The following SBNO2 variants were observed in gnomAD, a reference collection of about 807,000 sequenced individuals.
SBNO2 encodes the protein strawberry notch homolog 2, also known as protein strawberry notch homolog 2.
SBNO2 carries 89 observed loss-of-function variants against 146.3 expected under a neutral mutation model. The ratio of observed to expected loss-of-function variants is 0.61; its 90% confidence interval spans 0.51 to 0.73. The LOEUF (loss-of-function observed/expected upper bound fraction) is 0.73, where lower values mean the gene tolerates loss of function less well. Ranked by LOEUF, SBNO2 falls within the 30% of genes least tolerant of loss-of-function variation. The probability of loss-of-function intolerance (pLI) is 0.00; values close to 1 mark genes in which losing one functional copy is unlikely to be tolerated. For synonymous variants in SBNO2, 1,147 were observed against 892.6 expected (o/e 1.29, Z -5.08); for missense variants, 2,092 against 2,003.7 (o/e 1.04, Z -0.84).
intron 18 of SBNO2, 27 bp from the exon 19 acceptor site, chr19:1,113,731 A>C: frequency 3.4e-6 from 5 of 1,471,280 alleles, no homozygotes; most frequent in Non-Finnish European, 3.6e-6. Context: ...GGGTCAGGGC[A>C]GGACATGTTG....
At chr19:1,152,924 A>C (rs1282110200) in intron 2 of SBNO2, among the ~76,000 whole-genome samples, 3 of 152,134 alleles carry the variant, frequency 2.0e-5, no homozygotes, top group Non-Finnish European at 4.4e-5. Flanking sequence ...AGGTCAAGGC[A>C]GGCGGGTCAA....
rs1035615791 is a variant in SBNO2, at chr19:1,126,302, C to T, written c.441+1302G>A. Among the ~76,000 whole-genome samples, 8 of 151,876 alleles carry T rather than the reference C, an allele frequency of 5.3e-5. No individual in the cohort carries two copies. The highest frequency in any genetic ancestry group is 1.9e-4 in the African/African-American group (8 of 41,336). Reference sequence around the variant, plus strand: ...TTTAAGTTAACAAAACACAAAAAAACAGACGCCACGCAGGTTCCTGGAAGG... The same window carrying T: ...TTTAAGTTAACAAAACACAAAAAAATAGACGCCACGCAGGTTCCTGGAAGG... On this transcript the variant is annotated intron_variant, in intron 5 of 31. Coordinates refer to ENST00000361757, the MANE Select transcript of SBNO2 (RefSeq NM_014963.3). This position sits in a 1 kb window ranked among gnomAD's most constrained non-coding sequence, Gnocchi z 4.4.
chr19:1,121,905 C>T (rs1472396444), intron 11 of SBNO2, among the ~76,000 whole-genome samples: 1 of 152,170 alleles, frequency 6.6e-6, no homozygotes, highest in Admixed American at 6.5e-5. Flanking sequence ...CCAGAAAAGT[C>T]TTCTATCCGG....
chr19:1,154,160 G>T, intron 2 of SBNO2, 24 bp downstream of exon 2: 1 of 1,135,832 alleles, frequency 8.8e-7, no homozygotes, highest in Non-Finnish European at 1.1e-6. Context: ...CGTCGGGTGG[G>T]CCGGGGCCGG....
At position 1,110,611 on chromosome 19, in the gene SBNO2, G is replaced by C; in HGVS notation, c.3028+134C>G. On this transcript the variant is annotated intron_variant, in intron 26 of 31. Coordinates refer to ENST00000361757, the MANE Select transcript of SBNO2 (RefSeq NM_014963.3). This position sits in a 1 kb window ranked among gnomAD's most constrained non-coding sequence, Gnocchi z 4.9. ...GCCCCTCGCCCACCCGGGATGCACG[G>C]TGTTCCCACGAGCCCCTCGCCCACC... 6 of 1,084,072 alleles carry C rather than the reference G, an allele frequency of 5.5e-6. No individual in the cohort carries two copies. Among genetic ancestry groups the C allele is most frequent in the Non-Finnish European group, 7.5e-6 (6 of 798,238 alleles). 67.2% of individuals were successfully genotyped at this position (1,084,072 alleles called of 1,614,324 possible). A position where few individuals can be genotyped will look rare whatever the true frequency, so the allele number is the denominator to read the frequency against.
At position 1,110,647 on chromosome 19, in the gene SBNO2, G is replaced by C. The variant is rs1162008877; in HGVS notation, c.3028+98C>G. The C allele has an allele frequency of 7.2e-7, 1 of 1,392,804 alleles. No individual in the cohort carries two copies. The highest frequency in any genetic ancestry group is 9.6e-7 in the Non-Finnish European group (1 of 1,046,972). 86.3% of individuals were successfully genotyped at this position (1,392,804 alleles called of 1,614,324 possible). A position where few individuals can be genotyped will look rare whatever the true frequency, so the allele number is the denominator to read the frequency against. On this transcript the variant is annotated intron_variant, in intron 26 of 31. Coordinates refer to ENST00000361757, the MANE Select transcript of SBNO2 (RefSeq NM_014963.3). The surrounding 1 kb of genome is among the most constrained non-coding windows in gnomAD (Gnocchi z 4.9). The stretch of plus-strand genomic sequence containing the variant: ...AGCCCCTCGCCCACCCGGGATGCCC[G>C]GTGTTCCCACGAGCCCCGAGCCCAC...
intron 2 of SBNO2, among the ~76,000 whole-genome samples, chr19:1,151,561 G>T (rs1462964754): frequency 6.6e-6 from 1 of 152,244 alleles, no homozygotes; most frequent in Non-Finnish European, 1.5e-5. Flanking sequence ...CTGGCAGCCA[G>T]AGGGTGTGGC....
intron 1 of SBNO2, among the ~76,000 whole-genome samples, chr19:1,164,503 CAGGAGGAGG>C (rs1173808617): frequency 7.7e-5 from 1 of 12,944 alleles, no homozygotes; most frequent in Non-Finnish European, 1.6e-4. Flanking sequence ...GCAGTGGAGA[CAGGAGGAGG>C]AGGAGGAGGA....
rs1276204765 is a variant in SBNO2 at position 1,108,749 on chromosome 19, G to C, written c.3616+30C>G. 4 of 1,592,876 alleles carry C rather than the reference G, an allele frequency of 2.5e-6. No individual in the cohort carries two copies. The East Asian group carries it at 9.0e-5, about 36-fold the overall frequency. ...GTCAGGGCCGGCGCTGGGGGCTCGG[G>C]CCTTCCCGGGGCGCCCGCCGCCCAC... On this transcript the variant is annotated intron_variant, in intron 31 of 31. Coordinates refer to ENST00000361757, the MANE Select transcript of SBNO2 (RefSeq NM_014963.3).
At chr19:1,154,471 TC>T (rs1193863875) in intron 1 of SBNO2, 69 bp from the exon 2 acceptor site, 3 of 384,406 alleles carry the variant, frequency 7.8e-6, no homozygotes, top group Non-Finnish European at 1.4e-5. Flanking sequence ...CGGCCGCCTC[TC>T]CCTCGGGCAT....
chr19:1,140,076 G>A lies in SBNO2; in HGVS notation c.279+7233C>T, dbSNP rs533654232. Reference sequence around the variant, plus strand: ...ATGCTTTGGGAGGCTGAGGTGGGTGGATCACAAGGTCAGGAGATTGAGACC... The same window carrying A: ...ATGCTTTGGGAGGCTGAGGTGGGTGAATCACAAGGTCAGGAGATTGAGACC... On this transcript the variant is annotated intron_variant, in intron 4 of 31. Transcript: ENST00000361757. The surrounding 1 kb of genome is among the most constrained non-coding windows in gnomAD (Gnocchi z 4.4). Among the ~76,000 whole-genome samples, 1 of 152,224 alleles carries A rather than the reference G, an allele frequency of 6.6e-6. No homozygotes were observed. The highest frequency in any genetic ancestry group is 6.5e-5 in the Admixed American group (1 of 15,292).
intron 2 of SBNO2, among the ~76,000 whole-genome samples, chr19:1,153,632 G>C (rs1314964723): frequency 1.3e-5 from 2 of 151,738 alleles, no homozygotes; most frequent in Non-Finnish European, 2.9e-5. Context: ...CTGCCTCCTA[G>C]ATTTAAGCAA....
intron 1 of SBNO2, among the ~76,000 whole-genome samples, chr19:1,167,830 C>T (rs1369123568): frequency 1.3e-5 from 2 of 152,214 alleles, no homozygotes; most frequent in Non-Finnish European, 2.9e-5. Context: ...ACCCAGGCTC[C>T]TGAACGGCCA....
intron 4 of SBNO2, 112 bp downstream of exon 4, chr19:1,147,197 G>A (rs564855301): frequency 2.0e-5 from 14 of 698,612 alleles, no homozygotes; most frequent in Admixed American, 1.3e-4. Flanking sequence ...GGGCCAAGCC[G>A]AGGTCACTGA....
chr19:1,109,534 G>T lies in SBNO2; in HGVS notation c.3188C>A (p.Pro1063His). 2 of 1,601,274 alleles carry T rather than the reference G, an allele frequency of 1.2e-6. No homozygotes were observed. The highest frequency in any genetic ancestry group is 1.7e-6 in the Non-Finnish European group (2 of 1,175,122). Residue 1063 changes from proline (P) to histidine (H), a missense_variant, in exon 28 of 32, where the codon CCC (proline) becomes CAC (histidine). Pro to His is a moderately conservative substitution (Grantham distance 77, BLOSUM62 -2). Coordinates refer to ENST00000361757, the MANE Select transcript of SBNO2 (RefSeq NM_014963.3). This position sits in a 1 kb window ranked among gnomAD's most constrained non-coding sequence, Gnocchi z 4.2. ...GTAGGAGAGGTAGAAGCCGTCATAG[G>T]GGCCCGTCAGCGCCAGCGACTTGGC... ...AFAKSLALTG[P>H]YDGFYLSYKV...
intron 7 of SBNO2, 149 bp from the exon 8 acceptor site, chr19:1,123,194 C>T (rs375614980): frequency 6.8e-5 from 64 of 942,194 alleles, no homozygotes; most frequent in African/African-American, 4.9e-4. Context: ...GGGTCATGGG[C>T]GTGGCCAGGA....
chr19:1,149,366 C>G lies in SBNO2; in HGVS notation c.167+3G>C. ...GCCAGGCGGGGAGGGTCCCGGTACT[C>G]ACCGGCTGTCGCTGGAGAAGGCAGG... On this transcript the variant is annotated splice_donor_region_variant and intron_variant, in intron 3 of 31. Coordinates refer to ENST00000361757, the MANE Select transcript of SBNO2 (RefSeq NM_014963.3). 1 of 1,551,454 alleles carries G rather than the reference C, an allele frequency of 6.4e-7. No homozygotes were observed. Among genetic ancestry groups the G allele is most frequent in the Non-Finnish European group, 8.7e-7 (1 of 1,147,612 alleles).
rs1461977946 is a variant in SBNO2 at position 1,140,329 on chromosome 19, G to A, written c.279+6980C>T. ...AAAAAAAAAAAGCAGCAGCAACACAGAGCCACGTGTCCACAGAACCACGGT... is the reference window on the plus strand; with the variant it reads ...AAAAAAAAAAAGCAGCAGCAACACAAAGCCACGTGTCCACAGAACCACGGT... On this transcript the variant is annotated intron_variant, in intron 4 of 31. Coordinates refer to ENST00000361757, the MANE Select transcript of SBNO2 (RefSeq NM_014963.3). The surrounding 1 kb of genome is among the most constrained non-coding windows in gnomAD (Gnocchi z 4.4). 3.3e-5 allele frequency among the ~76,000 whole-genome samples: 5 copies of A among 151,518 alleles called. No homozygotes were observed. Among genetic ancestry groups the A allele is most frequent in the African/African-American group, 1.2e-4 (5 of 41,268 alleles).
Position 1,110,230 on chromosome 19 carries a change from C to G in SBNO2, c.3029-453G>C, listed in dbSNP as rs1381657233. On this transcript the variant is annotated intron_variant, in intron 26 of 31. Coordinates refer to ENST00000361757, the MANE Select transcript of SBNO2 (RefSeq NM_014963.3). The surrounding 1 kb of genome is among the most constrained non-coding windows in gnomAD (Gnocchi z 4.9). ...ATGAGTGAAGTAGCCATGGCCCGGA[C>G]CCGACCCTCATCTGGACACAGGGAA... Among the ~76,000 whole-genome samples the G allele has an allele frequency of 2.6e-5, 4 of 152,132 alleles. No individual in the cohort carries two copies. Among genetic ancestry groups the G allele is most frequent in the African/African-American group, 7.2e-5 (3 of 41,422 alleles).
Sources: gnomAD v4.1 joint callset for allele counts (sites outside exome capture counted in the v4.1 genomes callset) on GRCh38, gnomAD v4.1.1 for gene constraint, Gnocchi (gnomAD v3.1) non-coding constraint, MANE v1.5 for transcripts, NCBI Gene and HGNC (gene_info 2026-07-23, HGNC 2026-07-21) for gene names.